Variants in CCDC88C observed in about 807,000 individuals in gnomAD.
CCDC88C encodes coiled-coil and HOOK domain protein 88C.
CCDC88C carries 131 observed loss-of-function variants against 198.8 expected under a neutral mutation model. The observed-to-expected ratio is 0.66, with a 90% confidence interval of 0.57 to 0.76. The LOEUF is 0.76. Ranked by LOEUF, CCDC88C falls within the 30% of genes least tolerant of loss-of-function variation. CCDC88C has a pLI of 0.00. For missense variants in CCDC88C, 2,553 were observed against 2,631.6 expected (o/e 0.97, Z 0.65); for synonymous variants, 1,166 against 1,114.7 (o/e 1.05, Z -0.92).
Position 91,293,524 on chromosome 14 carries a change from C to CATCCTCACCCGCCACAG in CCDC88C, c.4112+648_4112+649insCTGTGGCGGGTGAGGAT, listed in dbSNP as rs1567055715. Among the ~76,000 whole-genome samples the CATCCTCACCCGCCACAG allele has an allele frequency of 2.2e-3, 20 of 9,082 alleles. 4 individuals are homozygous for CATCCTCACCCGCCACAG. The highest frequency in any genetic ancestry group is 4.1e-3 in the South Asian group (1 of 242). 6.0% of individuals were successfully genotyped at this position (9,082 alleles called of 152,430 possible). On this transcript the variant is annotated intron_variant, in intron 23 of 29. Coordinates refer to ENST00000389857, the MANE Select transcript of CCDC88C (RefSeq NM_001080414.4). ...CCTGCCACGGCCTACCTTCCTGTCC[C>CATCCTCACCCGCCACAG]CTCACCTGCCACGGCCCACCTTCCT...
chr14:91,289,166 G>C lies in CCDC88C; in HGVS notation c.4380C>G (p.Thr1460=). The C allele has an allele frequency of 6.2e-7, 1 of 1,613,822 alleles. No homozygotes were observed. The highest frequency in any genetic ancestry group is 8.5e-7 in the Non-Finnish European group (1 of 1,179,878). Residue 1460 remains threonine, a synonymous_variant, in exon 25 of 30, where the codon ACC becomes ACG. Coordinates refer to ENST00000389857, the MANE Select transcript of CCDC88C (RefSeq NM_001080414.4). ...CTGCACAGTTGGAGCCCAGTGCGGG[G>C]GTGTCGGGGTTCTCGGCCTGTGATC... The part of the protein sequence containing the change: ...PLRSQAENPD[T]PALGSNCAEE...
At chr14:91,369,267 C>T (rs1300222515) in intron 3 of CCDC88C, among the ~76,000 whole-genome samples, 5 of 152,202 alleles carry the variant, frequency 3.3e-5, no homozygotes, top group African/African-American at 2.4e-5. Context: ...AGTGCAATGG[C>T]GTGATCTCGG....
Position 91,273,522 on chromosome 14 carries a change from G to A in CCDC88C, c.5190C>T (p.Ala1730=). 6.5e-7 allele frequency: 1 copy of A among 1,535,094 alleles called. No homozygotes were observed. The highest frequency in any genetic ancestry group is 8.8e-7 in the Non-Finnish European group (1 of 1,140,894). Residue 1730 remains alanine (A), a synonymous_variant, in exon 30 of 30, where the codon GCC becomes GCT. Coordinates refer to ENST00000389857, the MANE Select transcript of CCDC88C (RefSeq NM_001080414.4). This position sits in a 1 kb window ranked among gnomAD's most constrained non-coding sequence, Gnocchi z 5.6. ...EGAKMPTNFV[A]PTVKMAAPTS... is the part of the protein sequence containing the mutation. Reference sequence around the variant, plus strand: ...TGGGGGCGGCCATTTTGACGGTGGGGGCCACAAAGTTGGTGGGCATCTTGG... The same window carrying A: ...TGGGGGCGGCCATTTTGACGGTGGGAGCCACAAAGTTGGTGGGCATCTTGG...
At chr14:91,377,550 C>A (rs991483663) in intron 3 of CCDC88C, among the ~76,000 whole-genome samples, 2 of 152,210 alleles carry the variant, frequency 1.3e-5, no homozygotes, top group South Asian at 2.1e-4. Flanking sequence ...AGATGGCCCC[C>A]CCCCGGTGCC....
chr14:91,274,719 G>A (rs1432548385), intron 29 of CCDC88C, among the ~76,000 whole-genome samples: 1 of 152,214 alleles, frequency 6.6e-6, no homozygotes, highest in Non-Finnish European at 1.5e-5. Flanking sequence ...CATCACCTGT[G>A]GGGCCATGTG....
At chr14:91,366,479 G>T (rs905392888) in intron 3 of CCDC88C, among the ~76,000 whole-genome samples, 1 of 151,036 alleles carries the variant, frequency 6.6e-6, no homozygotes, top group Non-Finnish European at 1.5e-5. Context: ...GAGCAAGACG[G>T]TCTAAAAAAA....
chr14:91,307,804 T>G (rs1018569108), intron 17 of CCDC88C, among the ~76,000 whole-genome samples: 1 of 152,158 alleles, frequency 6.6e-6, no homozygotes, highest in Non-Finnish European at 1.5e-5. Context: ...ACACACGTGG[T>G]GGGCACATGT....
chr14:91,378,368 TGGGGCCCGG>T (rs1884587505), intron 3 of CCDC88C, among the ~76,000 whole-genome samples: 1 of 152,152 alleles, frequency 6.6e-6, no homozygotes, highest in African/African-American at 2.4e-5. Flanking sequence ...TAAACCAGCT[TGGGGCCCGG>T]GGAGCGCTGG....
chr14:91,329,859 T>C (rs547444425), intron 10 of CCDC88C, among the ~76,000 whole-genome samples: 1 of 152,340 alleles, frequency 6.6e-6, no homozygotes, highest in African/African-American at 2.4e-5. Flanking sequence ...AAGACCCGAC[T>C]GTGCACCTCA....
In CCDC88C at chr14:91,272,943, G is replaced by T; in HGVS notation, c.5769C>A (p.Asn1923Lys). 1 of 1,563,370 alleles carries T rather than the reference G, an allele frequency of 6.4e-7. No individual in the cohort carries two copies. Among genetic ancestry groups the T allele is most frequent in the South Asian group, 1.2e-5 (1 of 86,198 alleles). The change falls in exon 30 of 30, where the codon AAC becomes AAA. Residue 1923 changes from asparagine to lysine, a missense_variant. Around this residue, in one of 2 missense-constraint regions of CCDC88C, gnomAD observed 1,293 missense variants for 1,219.6 expected, o/e 1.06. Coordinates refer to ENST00000389857, the MANE Select transcript of CCDC88C (RefSeq NM_001080414.4). The stretch of plus-strand genomic sequence containing the variant: ...CAGGTGAGAAGTGCAGGAGCTGGGA[G>T]TTGCTGCCACTGCCAGCAGCAGCAG... ...AGAAAAGSGS[N>K]SQLLHFSPAA...
Position 91,313,258 on chromosome 14 carries a change from G to A in CCDC88C, c.2558C>T (p.Ala853Val), listed in dbSNP as rs1238057389. 6.2e-7 allele frequency: 1 copy of A among 1,613,854 alleles called. No individual in the cohort carries two copies. Among genetic ancestry groups the A allele is most frequent in the Non-Finnish European group, 8.5e-7 (1 of 1,179,916 alleles). ...TTTGGCAGTGCTATCGTCCAAGACT[G>A]CATCCTTGAGCTCCACCTGCTGCCA... ...RLWQQVELKD[A>V]VLDDSTAKLS... The change falls in exon 15 of 30, where the codon GCA (alanine) becomes GTA (valine). Residue 853 changes from alanine (A) to valine (V), a missense_variant. Coordinates refer to ENST00000389857, the MANE Select transcript of CCDC88C (RefSeq NM_001080414.4). This position sits in a 1 kb window ranked among gnomAD's most constrained non-coding sequence, Gnocchi z 5.2.
chr14:91,401,784 T>A (rs1886219409), intron 3 of CCDC88C, among the ~76,000 whole-genome samples: 1 of 152,194 alleles, frequency 6.6e-6, no homozygotes, highest in Non-Finnish European at 1.5e-5. Flanking sequence ...GTACAACGTA[T>A]TATTACTCCT....
chr14:91,344,944 C>T (rs997511785), intron 4 of CCDC88C, among the ~76,000 whole-genome samples: 1 of 151,316 alleles, frequency 6.6e-6, no homozygotes, highest in Non-Finnish European at 1.5e-5. Flanking sequence ...TACAGGTGCG[C>T]ATCACCACAC....
rs371722956 is a variant in CCDC88C at position 91,306,924 on chromosome 14, C to G, written c.3195+114G>C. 3.7e-4 allele frequency: 428 copies of G among 1,172,096 alleles called. No homozygotes were observed. In the African/African-American group the frequency reaches 5.9e-3, roughly 16 times the overall value. 72.6% of individuals were successfully genotyped at this position (1,172,096 alleles called of 1,614,324 possible). On this transcript the variant is annotated intron_variant, in intron 18 of 29. Coordinates refer to ENST00000389857, the MANE Select transcript of CCDC88C (RefSeq NM_001080414.4). ...CAACTCAAGACGTGTCCAACTAGATCTGGCTAAATCTCCTGTGTTCTTTAC... is the reference window on the plus strand; with the variant it reads ...CAACTCAAGACGTGTCCAACTAGATGTGGCTAAATCTCCTGTGTTCTTTAC...
At chr14:91,295,684 G>C (rs993703064) in intron 22 of CCDC88C, among the ~76,000 whole-genome samples, 1 of 152,220 alleles carries the variant, frequency 6.6e-6, no homozygotes, top group Non-Finnish European at 1.5e-5. Context: ...GGGTTAGGAG[G>C]AGCGGCGAGC....
chr14:91,294,313 G>A lies in CCDC88C; in HGVS notation c.3972C>T (p.Leu1324=), dbSNP rs1257006172. ...CCTCCAAGTTCCCCTTGAGACGGGA[G>A]AGCAGCTAGAACACAGACCAACAGC... is the stretch of plus-strand genomic sequence containing the variant. The part of the protein sequence containing the change: ...LTKLDNHCEL[L]SRLKGNLEEE... The change falls in exon 23 of 30, where the codon CTC becomes CTT. Residue 1324 remains leucine (L), a synonymous_variant. Coordinates refer to ENST00000389857, the MANE Select transcript of CCDC88C (RefSeq NM_001080414.4). 1 of 1,613,768 alleles carries A rather than the reference G, an allele frequency of 6.2e-7. No homozygotes were observed. The highest frequency in any genetic ancestry group is 2.2e-5 in the East Asian group (1 of 44,902).
At chr14:91,333,580 A>C (rs1163755770) in intron 10 of CCDC88C, among the ~76,000 whole-genome samples, 1 of 152,270 alleles carries the variant, frequency 6.6e-6, no homozygotes, top group African/African-American at 2.4e-5. Context: ...GGACACGGCA[A>C]ACTGTAAACT....
intron 13 of CCDC88C, 50 bp downstream of exon 13, chr14:91,321,070 G>C: frequency 6.6e-7 from 1 of 1,510,748 alleles, no homozygotes; most frequent in Non-Finnish European, 8.9e-7. Context: ...AGGATGGGAG[G>C]GTGCCCAAGG....
chr14:91,341,114 T>G (rs1893292052), intron 6 of CCDC88C, among the ~76,000 whole-genome samples: 1 of 152,076 alleles, frequency 6.6e-6, no homozygotes, highest in Admixed American at 6.5e-5. Context: ...CCTTCTTACC[T>G]CTCCCCACCT....
Sources: allele counts gnomAD v4.1 joint callset (sites outside exome capture counted in the v4.1 genomes callset), GRCh38; gene constraint gnomAD v4.1.1; regional missense constraint gnomAD v4.1.1; non-coding constraint Gnocchi (gnomAD v3.1); transcripts MANE v1.5; gene names NCBI Gene and HGNC (gene_info 2026-07-23, HGNC 2026-07-21).